Variants in BPIFB2 observed in about 807,000 individuals in gnomAD.
BPIFB2 encodes BPI fold containing family B member 2, also known as BPI fold-containing family B member 2.
A neutral mutation model predicts 50.1 loss-of-function variants in BPIFB2; 39 were observed. The observed-to-expected ratio is 0.78, with a 90% CI of 0.60 to 1.02. BPIFB2 has a LOEUF of 1.02. Ranked by LOEUF, BPIFB2 falls within the 50% of genes least tolerant of loss-of-function variation. The probability of loss-of-function intolerance (pLI) is 0.00; values close to 1 mark genes in which losing one functional copy is unlikely to be tolerated. For missense variants in BPIFB2, 574 were observed against 585.8 expected, an observed-to-expected ratio of 0.98 and a Z score of 0.21; for synonymous variants, 280 against 256.3, an observed-to-expected ratio of 1.09 and a Z score of -0.88.
At chr20:33,020,839 G>C (rs1246225582) in intron 13 of BPIFB2, among the ~76,000 whole-genome samples, 1 of 152,216 alleles carries the variant, frequency 6.6e-6, no homozygotes, top group Non-Finnish European at 1.5e-5. Flanking sequence ...AATGTCAGCT[G>C]TCCCTTCAGC....
At chr20:33,008,393 T>G in intron 1 of BPIFB2, 148 bp from the exon 2 acceptor site, 1 of 557,482 alleles carries the variant, frequency 1.8e-6, no homozygotes, top group South Asian at 2.3e-5. Flanking sequence ...TGGTTCCCAA[T>G]GCAGAGATGC....
rs570525266 is a variant in BPIFB2 at position 33,022,220 on chromosome 20, A to G, written c.1335+421A>G. Among the ~76,000 whole-genome samples the G allele has an allele frequency of 7.2e-5, 11 of 152,272 alleles. No homozygotes were observed. In the East Asian group the frequency reaches 2.1e-3, roughly 29 times the overall value. On this transcript the variant is annotated intron_variant, in intron 15 of 15. Transcript: ENST00000170150. ...GGGCCCAGGGTGAGCTTCAGTCACA[A>G]CACTGCCCAGGGTGAGATGCGACAG...
In BPIFB2 at chr20:33,019,750, G is replaced by GGTGA; in HGVS notation, c.1080+4_1080+7dup. 1 of 1,599,386 alleles carries GGTGA rather than the reference G, an allele frequency of 6.3e-7. No individual in the cohort carries two copies. Among genetic ancestry groups the GGTGA allele is most frequent in the Non-Finnish European group, 8.5e-7 (1 of 1,171,656 alleles). ...TCCAGTCCCTCTTCTCCCTGGATGT[G>GGTGA]GTGAGTGCGGTGGGGCTGGTCGGAA... On this transcript the variant is annotated frameshift_variant and splice_region_variant. Transcript: ENST00000170150. LOFTEE classifies it high-confidence loss of function.
intron 2 of BPIFB2, among the ~76,000 whole-genome samples, chr20:33,010,359 A>T (rs1990269082): frequency 6.6e-6 from 1 of 152,250 alleles, no homozygotes; most frequent in Non-Finnish European, 1.5e-5. Flanking sequence ...GGATCACAAC[A>T]TAAACGATTG....
intron 4 of BPIFB2, 122 bp from the exon 5 acceptor site, chr20:33,013,688 G>C (rs954128427): frequency 7.5e-5 from 104 of 1,379,212 alleles, no homozygotes; most frequent in Non-Finnish European, 9.7e-5. Flanking sequence ...CTCTGGGAGT[G>C]GGGGGCCTGC....
rs988090315 is a variant in BPIFB2, at chr20:33,009,751, C to A, written c.109+1068C>A. On this transcript the variant is annotated intron_variant, in intron 2 of 15. Coordinates refer to ENST00000170150, the MANE Select transcript of BPIFB2 (RefSeq NM_025227.3). This position sits in a 1 kb window ranked among gnomAD's most constrained non-coding sequence, Gnocchi z 4.2. ...CCCTCTGCCCATCCTGTGCAAGCCT[C>A]CTTTGTCCCCAGGGAGCCCTCCCCA... 3.3e-5 allele frequency among the ~76,000 whole-genome samples: 5 copies of A among 152,246 alleles called. No individual in the cohort carries two copies. Among genetic ancestry groups the A allele is most frequent in the African/African-American group, 9.6e-5 (4 of 41,464 alleles).
Position 33,012,924 on chromosome 20 carries a change from G to A in BPIFB2, c.308+17G>A. The A allele has an allele frequency of 1.9e-6, 3 of 1,591,428 alleles. No individual in the cohort carries two copies. Among genetic ancestry groups the A allele is most frequent in the South Asian group, 2.2e-5 (2 of 90,520 alleles). The stretch of plus-strand genomic sequence containing the variant: ...GGTCTTTCGGTGAGCGGATCTCCTT[G>A]TTAGGGGGTGAGAAGGGTTTTGGGG... On this transcript the variant is annotated intron_variant, in intron 4 of 15. Coordinates refer to ENST00000170150, the MANE Select transcript of BPIFB2 (RefSeq NM_025227.3).
Position 33,021,354 on chromosome 20 carries a change from G to A in BPIFB2, c.1258+10G>A. The A allele has an allele frequency of 1.2e-6, 2 of 1,610,790 alleles. No homozygotes were observed. Among genetic ancestry groups the A allele is most frequent in the South Asian group, 1.1e-5 (1 of 90,230 alleles). ...CTGGACCATCTCAATGGTAAGCCCT[G>A]CCCTCCACCCCAGCAGGGCCCCTCT... On this transcript the variant is annotated intron_variant, in intron 14 of 15. Coordinates refer to ENST00000170150, the MANE Select transcript of BPIFB2 (RefSeq NM_025227.3).
At chr20:33,011,255 C>A in intron 3 of BPIFB2, 138 bp downstream of exon 3, 1 of 731,564 alleles carries the variant, frequency 1.4e-6, no homozygotes, top group Non-Finnish European at 2.3e-6. Context: ...GCAAAGTGTT[C>A]CAGTCCACCA....
At chr20:33,019,191 T>TG (rs2146354464) in intron 10 of BPIFB2, 76 bp downstream of exon 10, 1 of 1,555,240 alleles carries the variant, frequency 6.4e-7, no homozygotes, top group South Asian at 1.1e-5. Context: ...ATGGGATCTC[T>TG]GCTGGCTCTT....
rs1174148861 is a variant in BPIFB2, at chr20:33,009,987, G to A, written c.110-1037G>A. On this transcript the variant is annotated intron_variant, in intron 2 of 15. Coordinates refer to ENST00000170150, the MANE Select transcript of BPIFB2 (RefSeq NM_025227.3). The surrounding 1 kb of genome is among the most constrained non-coding windows in gnomAD (Gnocchi z 4.2). ...CAGCTCAGCTGCAGATGGTTAGGTG[G>A]GAGAGGGGTGCTGGGAAACATGGAA... Among the ~76,000 whole-genome samples the A allele has an allele frequency of 6.6e-6, 1 of 152,230 alleles. No individual in the cohort carries two copies. The highest frequency in any genetic ancestry group is 1.5e-5 in the Non-Finnish European group (1 of 68,038).
chr20:33,014,096 G>A lies in BPIFB2; in HGVS notation c.455+140G>A, dbSNP rs555933986. The A allele has an allele frequency of 1.1e-4, 134 of 1,179,338 alleles. No individual in the cohort carries two copies. In the South Asian group the frequency reaches 1.6e-3, roughly 14 times the overall value. The allele number at this position is 1,179,338 out of a possible 1,614,324, so 73.1% of individuals were successfully genotyped here. ...CCCATTATTGTGCTTGTTTTATGTC[G>A]GAGGACACTGAGGCTCAGAGAGGGG... On this transcript the variant is annotated intron_variant, in intron 5 of 15. Coordinates refer to ENST00000170150, the MANE Select transcript of BPIFB2 (RefSeq NM_025227.3).
chr20:33,020,287 T>A lies in BPIFB2; in HGVS notation c.1081-41T>A, dbSNP rs1478728756. The A allele has an allele frequency of 1.9e-6, 3 of 1,596,922 alleles. No homozygotes were observed. In the African/African-American group the frequency reaches 4.0e-5, roughly 21 times the overall value. ...GGCTGGGTGGCTGGTGCCCCCCTCA[T>A]GGCTCTGTGCCCTCTGACCCTGCTC... On this transcript the variant is annotated intron_variant, in intron 11 of 15. Transcript: ENST00000170150.
Position 33,023,588 on chromosome 20 carries a change from C to G in BPIFB2, c.*205C>G. The G allele has an allele frequency of 1.6e-6, 1 of 638,644 alleles. No homozygotes were observed. The highest frequency in any genetic ancestry group is 2.8e-6 in the Non-Finnish European group (1 of 357,258). The allele number at this position is 638,644 out of a possible 1,614,324, so 39.6% of individuals were successfully genotyped here. A position where few individuals can be genotyped will look rare whatever the true frequency, so the allele number is the denominator to read the frequency against. On this transcript the variant is annotated 3_prime_UTR_variant, in exon 16 of 16. Transcript: ENST00000170150. ...TTTCCCTTCCTCCTCCTCTTCTCCT[C>G]CCTCTTCCCTCATCTCCCCCCTCCT...
At position 33,009,269 on chromosome 20, in the gene BPIFB2, G is replaced by A. The variant is rs1990255199; in HGVS notation, c.109+586G>A. Among the ~76,000 whole-genome samples the A allele has an allele frequency of 1.3e-5, 2 of 152,118 alleles. No individual in the cohort carries two copies. Among genetic ancestry groups the A allele is most frequent in the African/African-American group, 4.8e-5 (2 of 41,402 alleles). On this transcript the variant is annotated intron_variant, in intron 2 of 15. Transcript: ENST00000170150. The surrounding 1 kb of genome is among the most constrained non-coding windows in gnomAD (Gnocchi z 4.2). The stretch of plus-strand genomic sequence containing the variant: ...CACTTGTGCGAGGGCTCTGTCTTAC[G>A]GCTGTGCTGCTAGATCCTTCCAAGT...
chr20:33,021,910 A>G, intron 15 of BPIFB2, 111 bp downstream of exon 15: 1 of 1,053,204 alleles, frequency 9.5e-7, no homozygotes, highest in Non-Finnish European at 1.5e-6. Context: ...CATGCCATGA[A>G]TCCTTAACTG....
intron 11 of BPIFB2, 115 bp from the exon 12 acceptor site, chr20:33,020,213 G>T: frequency 1.0e-6 from 1 of 996,572 alleles, no homozygotes. Flanking sequence ...GCACATAGCA[G>T]GGGCTCCACA....
In BPIFB2 at chr20:33,012,796, C is replaced by G. The variant is rs372195566; in HGVS notation, c.204-7C>G. The G allele has an allele frequency of 1.6e-5, 25 of 1,608,972 alleles. No homozygotes were observed. Among genetic ancestry groups the G allele is most frequent in the Middle Eastern group, 1.6e-4 (1 of 6,078 alleles). Reference sequence around the variant, plus strand: ...GCCACTCTGTCACCTTGATTACTACCCTGCAGGATCCGGATTCTGAATGTC... The same window carrying G: ...GCCACTCTGTCACCTTGATTACTACGCTGCAGGATCCGGATTCTGAATGTC... On this transcript the variant is annotated splice_region_variant and splice_polypyrimidine_tract_variant and intron_variant, in intron 3 of 15. Transcript: ENST00000170150.
chr20:33,018,910 G>A (rs901175067), intron 9 of BPIFB2, 88 bp downstream of exon 9: 7 of 1,568,218 alleles, frequency 4.5e-6, no homozygotes, highest in Non-Finnish European at 6.1e-6. Flanking sequence ...CCAAATCATG[G>A]GTGGGTGGGG....
Sources: allele counts gnomAD v4.1 joint callset (sites outside exome capture counted in the v4.1 genomes callset), GRCh38; gene constraint gnomAD v4.1.1; non-coding constraint Gnocchi (gnomAD v3.1); transcripts MANE v1.5; gene names NCBI Gene and HGNC (gene_info 2026-07-23, HGNC 2026-07-21).